The following NRG2 variants were observed in gnomAD, a reference collection of about 807,000 sequenced individuals.
NRG2 encodes neuregulin 2, also known as pro-neuregulin-2, membrane-bound isoform.
In NRG2, 27 loss-of-function variants were observed where a neutral mutation model predicts 73.9. That is an observed-to-expected ratio of 0.37 (90% CI 0.27 to 0.50). NRG2 has a LOEUF of 0.50. NRG2 is among the 20% of genes least tolerant of loss of function. NRG2 has a pLI of 0.96. For synonymous variants in NRG2, 532 were observed against 541.0 expected (o/e 0.98, Z 0.23); for missense variants, 1,126 against 1,210.1 (o/e 0.93, Z 1.03).
intron 1 of NRG2, among the ~76,000 whole-genome samples, chr5:139,923,523 T>C (rs912449835): frequency 6.6e-6 from 1 of 152,126 alleles, no homozygotes; most frequent in African/African-American, 2.4e-5. Context: ...GTCTCAGACA[T>C]TTCCTCTCTC....
At position 139,942,794 on chromosome 5, in the gene NRG2, G is replaced by A. The variant is rs114742772; in HGVS notation, c.701-55283C>T. ...ATTTGTAAACAACTTTCCTTGCTTT[G>A]CTAACAAATGAGCCACTTGGAAAAT... On this transcript the variant is annotated intron_variant, in intron 1 of 9. Transcript: ENST00000361474. 8.2e-3 allele frequency among the ~76,000 whole-genome samples: 1,242 copies of A among 152,234 alleles called. 10 individuals are homozygous for A. The highest frequency in any genetic ancestry group is 0.012 in the Non-Finnish European group (845 of 68,004).
chr5:140,035,738 C>T (rs1162463100), intron 1 of NRG2, among the ~76,000 whole-genome samples: 3 of 152,144 alleles, frequency 2.0e-5, no homozygotes, highest in Non-Finnish European at 4.4e-5. Context: ...CCAAGTAAAA[C>T]ATCCCAGCAT....
chr5:139,891,790 CA>C (rs1764226414), intron 1 of NRG2, among the ~76,000 whole-genome samples: 1 of 151,902 alleles, frequency 6.6e-6, no homozygotes, highest in Non-Finnish European at 1.5e-5. Context: ...TGGGGCTGTG[CA>C]AGCCAGGATG....
chr5:139,861,089 A>G (rs1257887162), intron 5 of NRG2, among the ~76,000 whole-genome samples: 6 of 152,196 alleles, frequency 3.9e-5, no homozygotes, highest in South Asian at 2.1e-4. Context: ...CTAATTCACT[A>G]TGTGGATGTG....
At chr5:139,972,147 T>C (rs1374610613) in intron 1 of NRG2, among the ~76,000 whole-genome samples, 1 of 152,220 alleles carries the variant, frequency 6.6e-6, no homozygotes, top group Non-Finnish European at 1.5e-5. Flanking sequence ...ACATGTAGAA[T>C]GTTAAGTGAC....
intron 1 of NRG2, among the ~76,000 whole-genome samples, chr5:140,037,216 T>C (rs946454079): frequency 2.6e-5 from 4 of 152,208 alleles, no homozygotes; most frequent in African/African-American, 9.7e-5. Context: ...ATCTCCCACA[T>C]GGACTCTACT....
chr5:139,873,186 C>T (rs993319416), intron 3 of NRG2, among the ~76,000 whole-genome samples: 2 of 152,184 alleles, frequency 1.3e-5, no homozygotes, highest in African/African-American at 4.8e-5. Flanking sequence ...CGGGCAGGGC[C>T]GGCTTCACCA....
intron 1 of NRG2, among the ~76,000 whole-genome samples, chr5:139,943,483 T>C (rs1427496369): frequency 6.6e-6 from 1 of 152,222 alleles, no homozygotes; most frequent in East Asian, 1.9e-4. Context: ...TGTGCTGTAA[T>C]GAGATCTTTG....
rs1344384854 is a variant in NRG2 at position 139,847,760 on chromosome 5, T to C, written c.*157A>G. 1 of 530,168 alleles carries C rather than the reference T, an allele frequency of 1.9e-6. No individual in the cohort carries two copies. The highest frequency in any genetic ancestry group is 2.0e-5 in the African/African-American group (1 of 50,546). The allele number at this position is 530,168 out of a possible 1,614,324, so 32.8% of individuals were successfully genotyped here. A position where few individuals can be genotyped will look rare whatever the true frequency, so the allele number is the denominator to read the frequency against. On this transcript the variant is annotated 3_prime_UTR_variant, in exon 10 of 10. Coordinates refer to ENST00000361474, the MANE Select transcript of NRG2 (RefSeq NM_004883.3). ...TTAGCTAGTATTATAAGACAATTTT[T>C]GCTAAAATGAAAATAAAACATTTTG...
chr5:139,994,788 A>T (rs909009349), intron 1 of NRG2, among the ~76,000 whole-genome samples: 3 of 152,194 alleles, frequency 2.0e-5, no homozygotes, highest in African/African-American at 7.2e-5. Context: ...TGGCCTAGGA[A>T]AGAAGAGTAG....
chr5:140,011,018 T>G (rs1759321329), intron 1 of NRG2, among the ~76,000 whole-genome samples: 1 of 152,250 alleles, frequency 6.6e-6, no homozygotes, highest in Non-Finnish European at 1.5e-5. Context: ...CTCCCACTAC[T>G]GTTTGTCCTG....
chr5:139,973,301 A>G (rs1756118818), intron 1 of NRG2, among the ~76,000 whole-genome samples: 1 of 152,214 alleles, frequency 6.6e-6, no homozygotes, highest in Non-Finnish European at 1.5e-5. Context: ...GTGACCTTTA[A>G]AAATGATAGC....
intron 1 of NRG2, among the ~76,000 whole-genome samples, chr5:139,937,718 G>A (rs973769195): frequency 6.6e-6 from 1 of 152,050 alleles, no homozygotes; most frequent in African/African-American, 2.4e-5. Context: ...TGACATAACT[G>A]AAATGTAAAC....
intron 1 of NRG2, among the ~76,000 whole-genome samples, chr5:139,982,438 A>G (rs1008036574): frequency 1.3e-5 from 2 of 152,090 alleles, no homozygotes; most frequent in African/African-American, 2.4e-5. Flanking sequence ...TAATCACTTC[A>G]GCCCACACCA....
intron 1 of NRG2, among the ~76,000 whole-genome samples, chr5:140,037,353 T>C (rs1561770335): frequency 6.6e-6 from 1 of 152,246 alleles, no homozygotes; most frequent in Non-Finnish European, 1.5e-5. Flanking sequence ...CAATGTATTG[T>C]CAGGGAAAAC....
chr5:139,907,802 C>T (rs766708672), intron 1 of NRG2, among the ~76,000 whole-genome samples: 5 of 152,076 alleles, frequency 3.3e-5, no homozygotes, highest in South Asian at 2.1e-4. Flanking sequence ...GAGTGGGATA[C>T]GACAAAGATC....
chr5:140,039,231 G>C (rs1761731291), intron 1 of NRG2, among the ~76,000 whole-genome samples: 1 of 152,034 alleles, frequency 6.6e-6, no homozygotes. Context: ...AACAAGATAG[G>C]GTGTAATTAT....
intron 1 of NRG2, among the ~76,000 whole-genome samples, chr5:139,911,884 A>G (rs548456903): frequency 6.6e-6 from 1 of 152,312 alleles, no homozygotes; most frequent in East Asian, 1.9e-4. Flanking sequence ...TAATTTATTT[A>G]TATAATGACA....
chr5:139,936,132 CAG>C (rs772686659), intron 1 of NRG2, among the ~76,000 whole-genome samples: 1 of 151,482 alleles, frequency 6.6e-6, no homozygotes, highest in Non-Finnish European at 1.5e-5. Flanking sequence ...ACTAGAAAAA[CAG>C]AGCAAGTTAA....
Sources: allele counts gnomAD v4.1 joint callset (sites outside exome capture counted in the v4.1 genomes callset), GRCh38; gene constraint gnomAD v4.1.1; transcripts MANE v1.5; gene names NCBI Gene and HGNC (gene_info 2026-07-23, HGNC 2026-07-21).